Variants in PEX14 observed in about 807,000 individuals in gnomAD.
The protein encoded by PEX14 is peroxisomal membrane protein PEX14.
Under a neutral mutation model 49.5 loss-of-function variants are expected in PEX14, and 15 were observed. That is an observed-to-expected ratio of 0.30 (90% CI 0.20 to 0.47). The LOEUF is 0.47. PEX14 is among the 20% of genes least tolerant of loss of function. The probability of loss-of-function intolerance (pLI) is 1.00; values close to 1 mark genes in which losing one functional copy is unlikely to be tolerated. For synonymous variants in PEX14, 210 were observed against 212.7 expected, an observed-to-expected ratio of 0.99 and a Z score of 0.11; for missense variants, 398 against 494.8, an observed-to-expected ratio of 0.80 and a Z score of 1.86.
In PEX14 at chr1:10,495,652, A is replaced by G. The variant is rs920929256; in HGVS notation, c.84+331A>G. 6.6e-6 allele frequency among the ~76,000 whole-genome samples: 1 copy of G among 152,066 alleles called. No homozygotes were observed. The highest frequency in any genetic ancestry group is 1.5e-5 in the Non-Finnish European group (1 of 68,008). On this transcript the variant is annotated intron_variant, in intron 2 of 8. Coordinates refer to ENST00000356607, the MANE Select transcript of PEX14 (RefSeq NM_004565.3). The surrounding 1 kb of genome is among the most constrained non-coding windows in gnomAD (Gnocchi z 4.2). The stretch of plus-strand genomic sequence containing the variant: ...TGGAGTGAGGTGGCTGGGCTTCTAG[A>G]TTGTTTGAAGTAGCCGCCCTCTGCT...
Position 10,512,015 on chromosome 1 carries a change from A to G in PEX14, c.84+16694A>G, listed in dbSNP as rs1337781177. On this transcript the variant is annotated intron_variant, in intron 2 of 8. Transcript: ENST00000356607. The surrounding 1 kb of genome is among the most constrained non-coding windows in gnomAD (Gnocchi z 4.6). ...TGCTCTGTCACCCAGGCTGGAGTGC[A>G]GTGGCATAATCTTGGCTCACTGCAC... 1.3e-5 allele frequency among the ~76,000 whole-genome samples: 2 copies of G among 152,150 alleles called. No individual in the cohort carries two copies. The highest frequency in any genetic ancestry group is 6.5e-5 in the Admixed American group (1 of 15,282).
intron 3 of PEX14, among the ~76,000 whole-genome samples, chr1:10,579,269 T>C (rs752002283): frequency 6.6e-6 from 1 of 152,042 alleles, no homozygotes; most frequent in Non-Finnish European, 1.5e-5. Flanking sequence ...AAAAGACACT[T>C]TATCTAGAAT....
At chr1:10,513,887 A>G (rs979508689) in intron 2 of PEX14, among the ~76,000 whole-genome samples, 1 of 152,238 alleles carries the variant, frequency 6.6e-6, no homozygotes, top group African/African-American at 2.4e-5. Flanking sequence ...AAGCAGTACC[A>G]GTGCACTGGG....
chr1:10,522,740 C>T (rs1004545382), intron 2 of PEX14, among the ~76,000 whole-genome samples: 1 of 152,208 alleles, frequency 6.6e-6, no homozygotes, highest in African/African-American at 2.4e-5. Flanking sequence ...AAACCACCAT[C>T]TCTGGCACCT....
chr1:10,582,986 C>T (rs1382235576), intron 3 of PEX14, among the ~76,000 whole-genome samples: 1 of 152,024 alleles, frequency 6.6e-6, no homozygotes, highest in Non-Finnish European at 1.5e-5. Flanking sequence ...TCTGTCCCTC[C>T]TCGGCCTCCC....
chr1:10,582,397 T>C (rs1241013091), intron 3 of PEX14, among the ~76,000 whole-genome samples: 3 of 152,158 alleles, frequency 2.0e-5, no homozygotes, highest in African/African-American at 4.8e-5. Context: ...TTCAACACCA[T>C]TAAAATCCTC....
intron 5 of PEX14, among the ~76,000 whole-genome samples, chr1:10,621,263 C>T (rs1385867987): frequency 2.0e-5 from 3 of 150,504 alleles, no homozygotes; most frequent in African/African-American, 4.9e-5. Context: ...TTGGCTAGGG[C>T]AGCGTGTCTG....
chr1:10,517,040 A>C (rs981930146), intron 2 of PEX14: 1 of 152,336 alleles, frequency 6.6e-6, no homozygotes, highest in Non-Finnish European at 1.5e-5. Context: ...TTCAGAGCCC[A>C]AGCCTGCTCC....
intron 1 of PEX14, among the ~76,000 whole-genome samples, chr1:10,490,579 CTGCTTT>C (rs1246849823): frequency 2.0e-5 from 3 of 152,046 alleles, no homozygotes; most frequent in African/African-American, 7.2e-5. Context: ...AAGCAGTTTT[CTGCTTT>C]TGCTTTCTTC....
In PEX14 at chr1:10,512,514, T is replaced by C. The variant is rs1641901707; in HGVS notation, c.84+17193T>C. On this transcript the variant is annotated intron_variant, in intron 2 of 8. Coordinates refer to ENST00000356607, the MANE Select transcript of PEX14 (RefSeq NM_004565.3). This position sits in a 1 kb window ranked among gnomAD's most constrained non-coding sequence, Gnocchi z 4.6. ...TTTGAAGCATAGCAGAATCCCAGCA[T>C]TAACTTCAGGGGTGTTGGTTGGAAA... is the stretch of plus-strand genomic sequence containing the variant. Among the ~76,000 whole-genome samples the C allele has an allele frequency of 6.6e-6, 1 of 152,180 alleles. No homozygotes were observed. Among genetic ancestry groups the C allele is most frequent in the African/African-American group, 2.4e-5 (1 of 41,450 alleles).
At chr1:10,593,611 A>G (rs1259685320) in intron 3 of PEX14, among the ~76,000 whole-genome samples, 1 of 151,824 alleles carries the variant, frequency 6.6e-6, no homozygotes, top group East Asian at 1.9e-4. Context: ...ACTGCTTGGG[A>G]ATAGTTAATC....
chr1:10,629,451 CG>C lies in PEX14; in HGVS notation c.678-77del. ...GCAGCTCACCATCGCCGAGCCCTTGCGGGTCAGGGAAGGCGTGGCCCTTCGA... is the reference window on the plus strand; with the variant it reads ...GCAGCTCACCATCGCCGAGCCCTTGCGGTCAGGGAAGGCGTGGCCCTTCGA... On this transcript the variant is annotated intron_variant, in intron 8 of 8. Coordinates refer to ENST00000356607, the MANE Select transcript of PEX14 (RefSeq NM_004565.3). This position sits in a 1 kb window ranked among gnomAD's most constrained non-coding sequence, Gnocchi z 8.5. The C allele has an allele frequency of 1.0e-6, 1 of 963,182 alleles. No homozygotes were observed. Among genetic ancestry groups the C allele is most frequent in the Non-Finnish European group, 1.7e-6 (1 of 604,392 alleles). 59.7% of individuals were successfully genotyped at this position (963,182 alleles called of 1,614,324 possible).
intron 4 of PEX14, among the ~76,000 whole-genome samples, chr1:10,615,738 G>A (rs1282659575): frequency 6.6e-6 from 1 of 152,224 alleles, no homozygotes; most frequent in Non-Finnish European, 1.5e-5. Flanking sequence ...TTGGAAATGA[G>A]CTGGGTGCCC....
intron 4 of PEX14, 149 bp from the exon 5 acceptor site, chr1:10,618,183 T>C (rs1329716562): frequency 6.0e-6 from 4 of 664,502 alleles, no homozygotes; most frequent in Non-Finnish European, 8.3e-6. Context: ...GCTGTTGTGA[T>C]GATCATGTGC....
At chr1:10,599,217 A>G (rs376022827) in intron 3 of PEX14, 21 bp from the exon 4 acceptor site, 2 of 1,613,766 alleles carry the variant, frequency 1.2e-6, no homozygotes, top group Admixed American at 1.7e-5. Context: ...CTCACCTGCA[A>G]TGATGTCCTC....
At chr1:10,580,877 CT>C (rs1640296171) in intron 3 of PEX14, among the ~76,000 whole-genome samples, 1 of 151,804 alleles carries the variant, frequency 6.6e-6, no homozygotes, top group Admixed American at 6.6e-5. Context: ...AAAGTAGTAC[CT>C]TATTTAATCT....
At chr1:10,537,354 G>T (rs866235409) in intron 3 of PEX14, among the ~76,000 whole-genome samples, 1 of 33,578 alleles carries the variant, frequency 3.0e-5, no homozygotes, top group Non-Finnish European at 4.7e-5. Context: ...CCCCCCCCCC[G>T]CCATCATTAG....
chr1:10,518,952 G>A (rs1018863448), intron 2 of PEX14, among the ~76,000 whole-genome samples: 16 of 152,106 alleles, frequency 1.1e-4, no homozygotes, highest in African/African-American at 3.6e-4. Context: ...GTGAGGGAGT[G>A]TGTTTCTTGC....
intron 4 of PEX14, among the ~76,000 whole-genome samples, chr1:10,605,398 C>T (rs1266122829): frequency 6.6e-6 from 1 of 152,184 alleles, no homozygotes; most frequent in Admixed American, 6.5e-5. Flanking sequence ...TCCCACGTCA[C>T]CTTGCATGGT....
Sources: allele counts gnomAD v4.1 joint callset (sites outside exome capture counted in the v4.1 genomes callset), GRCh38; gene constraint gnomAD v4.1.1; non-coding constraint Gnocchi (gnomAD v3.1); transcripts MANE v1.5; gene names NCBI Gene and HGNC (gene_info 2026-07-23, HGNC 2026-07-21).